Variants in OXR1 observed in about 807,000 individuals in gnomAD.
The protein encoded by OXR1 is oxidation resistance protein 1.
OXR1 carries 41 observed loss-of-function variants against 104.6 expected under a neutral mutation model. The observed-to-expected ratio is 0.39, with a 90% CI of 0.31 to 0.51. The LOEUF (loss-of-function observed/expected upper bound fraction) is 0.51, where lower values mean the gene tolerates loss of function less well. Among genes scored for constraint, OXR1 ranks in the 20% least tolerant of loss-of-function variants. OXR1 has a pLI of 0.77. For synonymous variants in OXR1, 348 were observed against 348.4 expected (o/e 1.00, Z 0.01); for missense variants, 955 against 1,031.9 (o/e 0.93, Z 1.02).
intron 1 of OXR1, among the ~76,000 whole-genome samples, chr8:106,349,346 T>A (rs1586554552): frequency 6.6e-6 from 1 of 152,262 alleles, no homozygotes; most frequent in Non-Finnish European, 1.5e-5. Context: ...TGTCCATTTT[T>A]AAGATTTTAA....
chr8:106,301,322 T>C (rs1481285354), intron 1 of OXR1, among the ~76,000 whole-genome samples: 1 of 151,970 alleles, frequency 6.6e-6, no homozygotes, highest in African/African-American at 2.4e-5. Context: ...GTGGCTTCCA[T>C]GTTATATATG....
At chr8:106,695,702 G>A (rs1229288689) in intron 7 of OXR1, among the ~76,000 whole-genome samples, 1 of 152,134 alleles carries the variant, frequency 6.6e-6, no homozygotes, top group African/African-American at 2.4e-5. Flanking sequence ...ACAGGCGTGA[G>A]CTACCGCACC....
chr8:106,420,501 A>G (rs958844271), intron 2 of OXR1, among the ~76,000 whole-genome samples: 1 of 151,910 alleles, frequency 6.6e-6, no homozygotes, highest in Non-Finnish European at 1.5e-5. Flanking sequence ...GCTATATGCA[A>G]TCTCTTATGA....
intron 3 of OXR1, among the ~76,000 whole-genome samples, chr8:106,634,189 C>G (rs576087415): frequency 1.3e-5 from 2 of 152,068 alleles, no homozygotes; most frequent in East Asian, 3.9e-4. Context: ...GCCAGTATAA[C>G]GTGAAAGGCA....
intron 2 of OXR1, among the ~76,000 whole-genome samples, chr8:106,477,375 G>A (rs1394604738): frequency 1.3e-5 from 2 of 151,892 alleles, no homozygotes; most frequent in Non-Finnish European, 2.9e-5. Context: ...AACAGGAGGT[G>A]GGTACAAAAT....
intron 3 of OXR1, among the ~76,000 whole-genome samples, chr8:106,520,932 G>A (rs1302696448): frequency 2.0e-5 from 3 of 152,150 alleles, no homozygotes; most frequent in African/African-American, 7.2e-5. Context: ...GAAAATAGAA[G>A]TCTCAAAAGG....
intron 2 of OXR1, among the ~76,000 whole-genome samples, chr8:106,509,892 TC>T (rs1397299159): frequency 1.3e-5 from 2 of 152,106 alleles, no homozygotes; most frequent in Non-Finnish European, 1.5e-5. Context: ...TTCCTTAGCC[TC>T]CCTGAGTAGC....
At chr8:106,677,283 T>G (rs1159162191) in intron 3 of OXR1, among the ~76,000 whole-genome samples, 1 of 152,144 alleles carries the variant, frequency 6.6e-6, no homozygotes, top group East Asian at 1.9e-4. Flanking sequence ...TTCAGTTGTT[T>G]AAAATAAAAA....
In OXR1 at chr8:106,679,191, T is replaced by C; in HGVS notation, c.221-19T>C. 6.7e-7 allele frequency: 1 copy of C among 1,487,082 alleles called. No homozygotes were observed. The highest frequency in any genetic ancestry group is 9.4e-7 in the Non-Finnish European group (1 of 1,069,068). 92.1% of individuals were successfully genotyped at this position (1,487,082 alleles called of 1,614,324 possible). ...GAAAGAAAGATGAATTTAATAGGAA[T>C]TTTGCCTTTTTTTCCCAGACACTGG... On this transcript the variant is annotated intron_variant, in intron 3 of 16. Transcript: ENST00000517566.
intron 3 of OXR1, among the ~76,000 whole-genome samples, chr8:106,571,389 T>G (rs2130562184): frequency 6.6e-6 from 1 of 152,158 alleles, no homozygotes; most frequent in African/African-American, 2.4e-5. Context: ...CTGTGGTACC[T>G]CTCTGGTGCC....
intron 1 of OXR1, among the ~76,000 whole-genome samples, chr8:106,307,067 G>A (rs1435063095): frequency 6.6e-6 from 1 of 152,054 alleles, no homozygotes; most frequent in Non-Finnish European, 1.5e-5. Context: ...ATAATAACAG[G>A]ATTATCAACA....
intron 2 of OXR1, among the ~76,000 whole-genome samples, chr8:106,492,338 A>C (rs1157698982): frequency 6.6e-6 from 1 of 152,236 alleles, no homozygotes; most frequent in Non-Finnish European, 1.5e-5. Context: ...GAAGGCCCTC[A>C]GATGAAAACT....
intron 14 of OXR1, among the ~76,000 whole-genome samples, chr8:106,740,732 A>T (rs559068738): frequency 1.3e-5 from 2 of 152,160 alleles, no homozygotes; most frequent in South Asian, 2.1e-4. Flanking sequence ...ACATTTGCAC[A>T]TACCAACATC....
In OXR1 at chr8:106,475,199, G is replaced by C. The variant is rs530708294; in HGVS notation, c.24-43744G>C. ...CTTAAAACTTAACTAATAGCCTACTGCTGGCCAGAAGCCTTACTTATAACA... is the reference window on the plus strand; with the variant it reads ...CTTAAAACTTAACTAATAGCCTACTCCTGGCCAGAAGCCTTACTTATAACA... On this transcript the variant is annotated intron_variant, in intron 2 of 16. Coordinates refer to ENST00000517566, the MANE Select transcript of OXR1 (RefSeq NM_001198533.2). Among the ~76,000 whole-genome samples the C allele has an allele frequency of 3.3e-5, 5 of 151,924 alleles. No individual in the cohort carries two copies. The East Asian group carries it at 9.7e-4, about 30-fold the overall frequency.
intron 1 of OXR1, among the ~76,000 whole-genome samples, chr8:106,310,904 C>T (rs1297488087): frequency 2.0e-5 from 3 of 151,976 alleles, no homozygotes; most frequent in African/African-American, 7.2e-5. Context: ...CAGGTTGGAT[C>T]ATTTTTTTAT....
chr8:106,344,764 G>A (rs1238555453), intron 1 of OXR1, among the ~76,000 whole-genome samples: 3 of 152,188 alleles, frequency 2.0e-5, no homozygotes, highest in Non-Finnish European at 4.4e-5. Context: ...TGTATATTAT[G>A]TGTAACACTC....
chr8:106,685,045 AAGAG>A (rs1356584120), intron 6 of OXR1, among the ~76,000 whole-genome samples: 3 of 151,928 alleles, frequency 2.0e-5, no homozygotes, highest in African/African-American at 7.2e-5. Context: ...GTGTGTGAGA[AAGAG>A]AGAGAGAAAT....
At chr8:106,662,971 C>T (rs1325048021) in intron 3 of OXR1, among the ~76,000 whole-genome samples, 1 of 151,988 alleles carries the variant, frequency 6.6e-6, no homozygotes, top group East Asian at 1.9e-4. Flanking sequence ...ACATGATGCT[C>T]AAAGGAAATG....
At chr8:106,636,779 A>G (rs762466426) in intron 3 of OXR1, among the ~76,000 whole-genome samples, 57 of 152,316 alleles carry the variant, frequency 3.7e-4, no homozygotes, top group Non-Finnish European at 6.8e-4. Context: ...TTTGGTTTCA[A>G]CTGTGAAGCA....
Sources: allele counts gnomAD v4.1 joint callset (sites outside exome capture counted in the v4.1 genomes callset), GRCh38; gene constraint gnomAD v4.1.1; transcripts MANE v1.5; gene names NCBI Gene and HGNC (gene_info 2026-07-23, HGNC 2026-07-21).